The following ITPR1 variants were observed in gnomAD, a reference collection of about 807,000 sequenced individuals.
The protein encoded by ITPR1 is inositol 1,4,5-trisphosphate-gated calcium channel ITPR1.
In ITPR1, 96 loss-of-function variants were observed where a neutral mutation model predicts 318.4. That is an observed-to-expected ratio of 0.30 (90% CI 0.26 to 0.36). The LOEUF (loss-of-function observed/expected upper bound fraction) is 0.36, where lower values mean the gene tolerates loss of function less well. Among genes scored for constraint, ITPR1 ranks in the 10% least tolerant of loss-of-function variants. The pLI, the probability that ITPR1 is intolerant of heterozygous loss-of-function variation, is 1.00. For synonymous variants in ITPR1, 1,312 were observed against 1,289.9 expected (o/e 1.02, Z -0.37); for missense variants, 2,440 against 3,460.2 (o/e 0.71, Z 7.40).
intron 4 of ITPR1, among the ~76,000 whole-genome samples, chr3:4,587,095 C>A (rs1182553723): frequency 1.3e-5 from 2 of 152,118 alleles, no homozygotes; most frequent in Non-Finnish European, 2.9e-5. Flanking sequence ...GAGATTTCGA[C>A]GACCGGCTTG....
chr3:4,579,208 G>T (rs954889216), intron 4 of ITPR1, among the ~76,000 whole-genome samples: 1 of 152,126 alleles, frequency 6.6e-6, no homozygotes, highest in Non-Finnish European at 1.5e-5. Flanking sequence ...AAGATGTGTC[G>T]TTGTGATGAT....
chr3:4,758,943 T>A, intron 44 of ITPR1, among the ~76,000 whole-genome samples: 1 of 152,246 alleles, frequency 6.6e-6, no homozygotes, highest in South Asian at 2.1e-4. Context: ...AAAAACACTT[T>A]GATTACTACC....
At chr3:4,731,230 C>T (rs900498606) in intron 42 of ITPR1, among the ~76,000 whole-genome samples, 14 of 152,192 alleles carry the variant, frequency 9.2e-5, no homozygotes, top group African/African-American at 3.1e-4. Flanking sequence ...GTGACTTCTT[C>T]AGAGAGTGCT....
intron 53 of ITPR1, 133 bp from the exon 54 acceptor site, chr3:4,800,292 A>T (rs1402198755): frequency 3.8e-6 from 3 of 783,858 alleles, no homozygotes; most frequent in Non-Finnish European, 6.1e-6. Flanking sequence ...TGGGGCAGAG[A>T]ATTTGAGGTG....
intron 4 of ITPR1, among the ~76,000 whole-genome samples, chr3:4,545,386 G>T (rs1296876374): frequency 6.6e-6 from 1 of 152,036 alleles, no homozygotes; most frequent in African/African-American, 2.4e-5. Flanking sequence ...ACTTTGGGAG[G>T]CCAAGATGTG....
chr3:4,755,503 T>A (rs182577041), intron 44 of ITPR1, among the ~76,000 whole-genome samples: 5 of 152,134 alleles, frequency 3.3e-5, no homozygotes, highest in Admixed American at 1.3e-4. Context: ...CCTCCGGAAG[T>A]GCTGTGATTA....
chr3:4,758,342 G>A (rs2045168621), intron 44 of ITPR1, among the ~76,000 whole-genome samples: 2 of 152,112 alleles, frequency 1.3e-5, no homozygotes, highest in African/African-American at 2.4e-5. Context: ...CTGCTCCCCC[G>A]CAAGCCATGC....
Position 4,766,569 on chromosome 3 carries a change from G to A in ITPR1, c.5584G>A (p.Glu1862Lys). Residue 1862 changes from glutamate to lysine, a missense_variant, in exon 45 of 62, where the codon GAG becomes AAG. This residue lies in a region of ITPR1 where 80 missense variants were observed against 122.0 expected (regional missense o/e 0.66). Transcript: ENST00000649015. ...FCRLTEDKKSEKFFKVFYDRM... is the reference protein window; with the variant it reads ...FCRLTEDKKSKKFFKVFYDRM... Reference sequence around the variant, plus strand: ...TCGCTTGACAGAAGATAAGAAGTCAGAGAAATTCTTTAAGGTGTTTTATGA... The same window carrying A: ...TCGCTTGACAGAAGATAAGAAGTCAAAGAAATTCTTTAAGGTGTTTTATGA... 1 of 1,613,810 alleles carries A rather than the reference G, an allele frequency of 6.2e-7. No individual in the cohort carries two copies. The highest frequency in any genetic ancestry group is 8.5e-7 in the Non-Finnish European group (1 of 1,179,764).
At chr3:4,660,931 G>T in intron 13 of ITPR1, 57 bp from the exon 14 acceptor site, 3 of 828,406 alleles carry the variant, frequency 3.6e-6, no homozygotes, top group Non-Finnish European at 1.9e-6. Context: ...TAGACTAGGG[G>T]CTATAGAGTA....
intron 4 of ITPR1, among the ~76,000 whole-genome samples, chr3:4,570,661 C>A (rs966910681): frequency 2.6e-5 from 4 of 152,186 alleles, no homozygotes; most frequent in African/African-American, 7.2e-5. Context: ...GTGGATAGAT[C>A]AACCACATTC....
At chr3:4,508,463 T>G (rs949204071) in intron 2 of ITPR1, among the ~76,000 whole-genome samples, 5 of 151,248 alleles carry the variant, frequency 3.3e-5, no homozygotes, top group African/African-American at 9.7e-5. Flanking sequence ...AGGTTTTTTT[T>G]TTTTTTTTTT....
intron 4 of ITPR1, among the ~76,000 whole-genome samples, chr3:4,605,241 C>A (rs2091619378): frequency 6.6e-6 from 1 of 152,146 alleles, no homozygotes; most frequent in Non-Finnish European, 1.5e-5. Context: ...CCTGAGCCAC[C>A]CTGCCCGGCC....
intron 4 of ITPR1, among the ~76,000 whole-genome samples, chr3:4,600,443 T>C (rs1453539976): frequency 6.6e-6 from 1 of 152,108 alleles, no homozygotes; most frequent in East Asian, 1.9e-4. Context: ...GCCCACAGGC[T>C]GGAGCTCGGA....
chr3:4,583,616 G>T (rs969569785), intron 4 of ITPR1, among the ~76,000 whole-genome samples: 1 of 152,204 alleles, frequency 6.6e-6, no homozygotes, highest in African/African-American at 2.4e-5. Context: ...TACAGCTTGA[G>T]CCTGTTCCTC....
intron 60 of ITPR1, among the ~76,000 whole-genome samples, chr3:4,834,438 G>A (rs1235661399): frequency 6.6e-6 from 1 of 152,110 alleles, no homozygotes; most frequent in Non-Finnish European, 1.5e-5. Context: ...ATAGGTAGCA[G>A]CCACCGTGAG....
At chr3:4,662,022 A>T in intron 14 of ITPR1, 60 bp from the exon 15 acceptor site, 2 of 1,451,178 alleles carry the variant, frequency 1.4e-6, no homozygotes, top group Non-Finnish European at 1.9e-6. Context: ...GTAGTGTTTG[A>T]TTAAAGTCTT....
At chr3:4,837,431 T>A (rs1207301890) in intron 61 of ITPR1, among the ~76,000 whole-genome samples, 1 of 152,086 alleles carries the variant, frequency 6.6e-6, no homozygotes, top group Non-Finnish European at 1.5e-5. Context: ...GCTTACTGAG[T>A]GGCTATCATA....
intron 55 of ITPR1, among the ~76,000 whole-genome samples, chr3:4,808,550 T>G (rs190707721): frequency 5.3e-5 from 8 of 152,356 alleles, no homozygotes; most frequent in African/African-American, 1.9e-4. Context: ...TATGGTTGGC[T>G]GCCTCTCCTG....
intron 4 of ITPR1, among the ~76,000 whole-genome samples, chr3:4,530,246 G>A (rs529186047): frequency 2.6e-5 from 4 of 152,266 alleles, no homozygotes; most frequent in African/African-American, 9.6e-5. Flanking sequence ...AGATTTTGGA[G>A]CACTCAAAGG....
Sources: allele counts gnomAD v4.1 joint callset (sites outside exome capture counted in the v4.1 genomes callset), GRCh38; gene constraint gnomAD v4.1.1; regional missense constraint gnomAD v4.1.1; transcripts MANE v1.5; gene names NCBI Gene and HGNC (gene_info 2026-07-23, HGNC 2026-07-21).